CECR2: variants seen among roughly 807,000 people sequenced by gnomAD.
The protein encoded by CECR2 is chromatin remodeling regulator CECR2.
A neutral mutation model predicts 154.5 loss-of-function variants in CECR2; 30 were observed. That is an observed-to-expected ratio of 0.19 (90% confidence interval 0.15 to 0.26). CECR2 has a LOEUF of 0.26. CECR2 is among the 10% of genes least tolerant of loss of function. The pLI, the probability that CECR2 is intolerant of heterozygous loss-of-function variation, is 1.00. For missense variants in CECR2, 1,743 were observed against 1,829.3 expected (o/e 0.95, Z 0.86); for synonymous variants, 725 against 683.7 (o/e 1.06, Z -0.94).
chr22:17,516,876 G>C lies in CECR2; in HGVS notation c.954+4980G>C, dbSNP rs540626537. 2.5e-3 allele frequency among the ~76,000 whole-genome samples: 377 copies of C among 152,100 alleles called. 6 individuals are homozygous for C. Among genetic ancestry groups the C allele is most frequent in the South Asian group, 1.2e-3 (6 of 4,810 alleles). On this transcript the variant is annotated intron_variant, in intron 8 of 18. Coordinates refer to ENST00000262608, the MANE Select transcript of CECR2 (RefSeq NM_001290047.2). ...CCCAAAGTGCTGGGATTACAGGTGT[G>C]AGCCACTGCGCCCAGCTGATCTGGT...
At chr22:17,493,286 A>G (rs1462073202) in intron 2 of CECR2, among the ~76,000 whole-genome samples, 1 of 152,132 alleles carries the variant, frequency 6.6e-6, no homozygotes, top group Non-Finnish European at 1.5e-5. Flanking sequence ...TTTCCTTTAA[A>G]TAGTAAAACC....
chr22:17,502,909 C>T (rs936754669), intron 5 of CECR2, among the ~76,000 whole-genome samples, 173 bp from the exon 6 acceptor site: 1 of 152,200 alleles, frequency 6.6e-6, no homozygotes, highest in African/African-American at 2.4e-5. Flanking sequence ...GACCAGCATG[C>T]CTGCATCTTA....
chr22:17,451,595 C>T (rs1014375817), intron 1 of CECR2, among the ~76,000 whole-genome samples: 49 of 152,254 alleles, frequency 3.2e-4, no homozygotes, highest in African/African-American at 1.2e-3. Context: ...AGGATTCTTC[C>T]GTTCCTCCGA....
chr22:17,535,711 G>A (rs2056427763), intron 9 of CECR2, among the ~76,000 whole-genome samples: 1 of 149,604 alleles, frequency 6.7e-6, no homozygotes. Flanking sequence ...AGTTGGTTTA[G>A]AGAACTTTCT....
intron 1 of CECR2, among the ~76,000 whole-genome samples, chr22:17,372,795 G>A (rs751424854): frequency 6.6e-5 from 10 of 152,254 alleles, no homozygotes; most frequent in African/African-American, 2.4e-4. Flanking sequence ...ATAAATAATA[G>A]CAAGTAGTAG....
intron 5 of CECR2, 70 bp from the exon 6 acceptor site, chr22:17,503,012 C>A (rs2055766597): frequency 2.2e-6 from 3 of 1,378,168 alleles, no homozygotes; most frequent in Non-Finnish European, 3.1e-6. Context: ...GTTCTACCAT[C>A]CTGGGGTGGC....
chr22:17,436,521 G>A (rs995367478), intron 1 of CECR2, among the ~76,000 whole-genome samples: 1 of 152,196 alleles, frequency 6.6e-6, no homozygotes, highest in Non-Finnish European at 1.5e-5. Flanking sequence ...TATCCCTTAT[G>A]AATTAACCAG....
At chr22:17,543,592 C>T (rs2056565647) in intron 16 of CECR2, among the ~76,000 whole-genome samples, 2 of 151,552 alleles carry the variant, frequency 1.3e-5, no homozygotes, top group South Asian at 4.2e-4. Flanking sequence ...GACAGAGTCC[C>T]ACTCTTGCCC....
At chr22:17,370,186 A>AG (rs2063038407) in intron 1 of CECR2, among the ~76,000 whole-genome samples, 1 of 147,944 alleles carries the variant, frequency 6.8e-6, no homozygotes, top group Non-Finnish European at 1.5e-5. Context: ...TGGGAGAGGG[A>AG]GCGGGAGCGG....
intron 4 of CECR2, among the ~76,000 whole-genome samples, chr22:17,499,966 C>G (rs989425424): frequency 3.3e-5 from 5 of 152,140 alleles, no homozygotes; most frequent in Admixed American, 6.5e-5. Context: ...AATCCCAGCA[C>G]TCTGGGAGGC....
intron 1 of CECR2, among the ~76,000 whole-genome samples, chr22:17,455,416 G>A (rs928746539): frequency 6.6e-6 from 1 of 152,144 alleles, no homozygotes; most frequent in African/African-American, 2.4e-5. Flanking sequence ...GCTCATCCTA[G>A]AACCTTGTCT....
chr22:17,404,619 C>T (rs1040138752), intron 1 of CECR2, among the ~76,000 whole-genome samples: 2 of 130,836 alleles, frequency 1.5e-5, no homozygotes, highest in Non-Finnish European at 1.6e-5. Flanking sequence ...GTGATCCACC[C>T]GCCTCGGCCT....
Position 17,394,197 on chromosome 22 carries a change from C to CTTTTTTTTTTTTTTTTTTTTTTTT in CECR2, c.126+24291_126+24314dup, listed in dbSNP as rs71200271. ...CCACCGCGCCCAGCTGCTGCCGCTG[C>CTTTTTTTTTTTTTTTTTTTTTTTT]TTTTTTTTTTTTTTTTTTTTTTTTT... is the stretch of plus-strand genomic sequence containing the variant. On this transcript the variant is annotated intron_variant, in intron 1 of 18. Transcript: ENST00000262608. Among the ~76,000 whole-genome samples the CTTTTTTTTTTTTTTTTTTTTTTTT allele has an allele frequency of 1.6e-4, 16 of 97,088 alleles. 7 individuals carry two copies. Among genetic ancestry groups the CTTTTTTTTTTTTTTTTTTTTTTTT allele is most frequent in the Non-Finnish European group, 2.0e-4 (10 of 49,368 alleles). The allele number at this position is 97,088 out of a possible 152,430, so 63.7% of individuals were successfully genotyped here.
At chr22:17,526,189 G>C (rs2056261922) in intron 9 of CECR2, among the ~76,000 whole-genome samples, 1 of 152,042 alleles carries the variant, frequency 6.6e-6, no homozygotes. Context: ...AAAAGACCCA[G>C]AATAGGCAAA....
chr22:17,385,883 C>G (rs921661957), intron 1 of CECR2, among the ~76,000 whole-genome samples: 1 of 152,202 alleles, frequency 6.6e-6, no homozygotes, highest in African/African-American at 2.4e-5. Context: ...CTCACTGGTG[C>G]TATTGAAGAA....
At chr22:17,442,588 G>A (rs8139343) in intron 1 of CECR2, among the ~76,000 whole-genome samples, 1 of 151,964 alleles carries the variant, frequency 6.6e-6, no homozygotes, top group African/African-American at 2.4e-5. Context: ...TCACTCTGTC[G>A]CCCAGGCTGG....
intron 14 of CECR2, among the ~76,000 whole-genome samples, chr22:17,541,604 G>T (rs1254001878): frequency 6.6e-6 from 1 of 152,186 alleles, no homozygotes; most frequent in Non-Finnish European, 1.5e-5. Flanking sequence ...TAATAAAAAA[G>T]AGATTGAGAA....
rs1022887562 is a variant in CECR2 at position 17,465,020 on chromosome 22, G to A, written c.127-12568G>A. 8.3e-5 allele frequency among the ~76,000 whole-genome samples: 11 copies of A among 132,832 alleles called. No homozygotes were observed. In the South Asian group the frequency reaches 9.4e-4, roughly 11 times the overall value. 87.1% of individuals were successfully genotyped at this position (132,832 alleles called of 152,430 possible). ...AAATTTTTTTTTTTTTTTTTGAGAC[G>A]AAGTCTCGCTTTGTCGCCCAGGCTG... On this transcript the variant is annotated intron_variant, in intron 1 of 18. Coordinates refer to ENST00000262608, the MANE Select transcript of CECR2 (RefSeq NM_001290047.2).
chr22:17,398,489 T>C (rs1420493930), intron 1 of CECR2, among the ~76,000 whole-genome samples: 1 of 152,146 alleles, frequency 6.6e-6, no homozygotes, highest in Non-Finnish European at 1.5e-5. Flanking sequence ...AGAAGGGAGT[T>C]TTTGTCTGGG....
Sources: allele counts gnomAD v4.1 joint callset (sites outside exome capture counted in the v4.1 genomes callset), GRCh38; gene constraint gnomAD v4.1.1; transcripts MANE v1.5; gene names NCBI Gene and HGNC (gene_info 2026-07-23, HGNC 2026-07-21).